The following DLGAP2 variants were observed in gnomAD, a reference collection of about 807,000 sequenced individuals.
DLGAP2 encodes the protein disks large-associated protein 2.
Under a neutral mutation model 100.3 loss-of-function variants are expected in DLGAP2, and 26 were observed. The ratio of observed to expected loss-of-function variants is 0.26; its 90% CI spans 0.19 to 0.36. DLGAP2 has a LOEUF of 0.36. Among genes scored for constraint, DLGAP2 ranks in the 10% least tolerant of loss-of-function variants. The pLI, the probability that DLGAP2 is intolerant of heterozygous loss-of-function variation, is 1.00. For missense variants in DLGAP2, 1,858 were observed against 1,453.2 expected, an observed-to-expected ratio of 1.28 and a Z score of -4.53; for synonymous variants, 886 against 630.1, an observed-to-expected ratio of 1.41 and a Z score of -6.08.
chr8:1,551,737 G>A (rs763288924), intron 5 of DLGAP2, among the ~76,000 whole-genome samples: 3 of 152,132 alleles, frequency 2.0e-5, no homozygotes, highest in Non-Finnish European at 4.4e-5. Context: ...AATCCCACAC[G>A]ACAGACAGAT....
chr8:793,264 G>A (rs1379020398), intron 1 of DLGAP2, among the ~76,000 whole-genome samples: 2 of 152,182 alleles, frequency 1.3e-5, no homozygotes, highest in East Asian at 3.8e-4. Flanking sequence ...ATTTTACGGA[G>A]CATTGGAATC....
chr8:766,506 T>C (rs73673014), intron 1 of DLGAP2, among the ~76,000 whole-genome samples: 4,264 of 152,290 alleles, frequency 0.028, 227 homozygotes, highest in African/African-American at 0.098. Flanking sequence ...TATTGTGATA[T>C]AGATGAATTA....
chr8:1,298,753 A>G (rs1800255315), intron 3 of DLGAP2, among the ~76,000 whole-genome samples: 1 of 152,222 alleles, frequency 6.6e-6, no homozygotes, highest in African/African-American at 2.4e-5. Context: ...AATCCCTTAT[A>G]AAAACTTTAA....
intron 2 of DLGAP2, among the ~76,000 whole-genome samples, chr8:1,212,375 AAG>A (rs1233425312): frequency 2.0e-5 from 3 of 152,210 alleles, no homozygotes; most frequent in African/African-American, 7.2e-5. Flanking sequence ...ATGGAGCATT[AAG>A]AGAACTCCAG....
intron 2 of DLGAP2, among the ~76,000 whole-genome samples, chr8:1,067,115 G>T (rs1367726100): frequency 6.6e-6 from 1 of 152,138 alleles, no homozygotes; most frequent in African/African-American, 2.4e-5. Flanking sequence ...CAGCCTCTCC[G>T]CACAGCCCCC....
intron 3 of DLGAP2, among the ~76,000 whole-genome samples, chr8:1,458,482 C>T (rs1798382220): frequency 6.6e-6 from 1 of 152,132 alleles, no homozygotes; most frequent in Non-Finnish European, 1.5e-5. Flanking sequence ...ATGCCATCTT[C>T]CTATGGTTCA....
chr8:989,207 A>C (rs1800578998), intron 2 of DLGAP2, among the ~76,000 whole-genome samples: 1 of 152,062 alleles, frequency 6.6e-6, no homozygotes, highest in South Asian at 2.1e-4. Context: ...CGCATGCCAC[A>C]TCAGGGCCCA....
chr8:1,107,189 T>G (rs1804802929), intron 2 of DLGAP2, among the ~76,000 whole-genome samples: 3 of 152,202 alleles, frequency 2.0e-5, no homozygotes, highest in African/African-American at 2.4e-5. Context: ...GGCTTTGCAG[T>G]GCACTGGTTC....
chr8:1,564,192 C>T (rs977390118), intron 5 of DLGAP2, among the ~76,000 whole-genome samples: 4 of 152,168 alleles, frequency 2.6e-5, no homozygotes, highest in Admixed American at 1.3e-4. Context: ...CCCAGAGCCT[C>T]TGGGGAGCTG....
At position 1,547,604 on chromosome 8, in the gene DLGAP2, GCAGGTCACCC is replaced by G. The variant is rs951426613; in HGVS notation, c.173-1018_173-1009del. On this transcript the variant is annotated intron_variant, in intron 4 of 14. Coordinates refer to ENST00000637795, the MANE Select transcript of DLGAP2 (RefSeq NM_001346810.2). ...TGGAGCTGGCAGATCCTCCTTCTCT[GCAGGTCACCC>G]CAGCGCCCAGCCGCCTTCCCAGGGA... Among the ~76,000 whole-genome samples, 29 of 152,282 alleles carry G rather than the reference GCAGGTCACCC, an allele frequency of 1.9e-4. 1 individual carries two copies. Among genetic ancestry groups the G allele is most frequent in the Admixed American group, 1.4e-3 (22 of 15,292 alleles).
chr8:877,285 C>T (rs901079239), intron 1 of DLGAP2, among the ~76,000 whole-genome samples: 3 of 152,168 alleles, frequency 2.0e-5, no homozygotes, highest in African/African-American at 4.8e-5. Context: ...GGTCCTTCCC[C>T]CACACCTGGG....
At chr8:1,198,884 G>A (rs1585144392) in intron 2 of DLGAP2, among the ~76,000 whole-genome samples, 1 of 152,252 alleles carries the variant, frequency 6.6e-6, no homozygotes, top group East Asian at 1.9e-4. Flanking sequence ...GCCTGCCTAT[G>A]CAGGTGCACA....
In DLGAP2 at chr8:1,525,191, C is replaced by CTTTTTTTTTTTTTTTTTTTTTTTTTTT. The variant is rs56358216; in HGVS notation, c.173-23413_173-23412insTTTTTTTTTTTTTTTTTTTTTTTTTTT. ...CGGTGTGTCTCTAGGACTCTGATGT[C>CTTTTTTTTTTTTTTTTTTTTTTTTTTT]TTTTTTTTTTTTTTTTTTTTTTGAT... is the stretch of plus-strand genomic sequence containing the variant. On this transcript the variant is annotated intron_variant, in intron 4 of 14. Transcript: ENST00000637795. Among the ~76,000 whole-genome samples, 2 of 103,680 alleles carry CTTTTTTTTTTTTTTTTTTTTTTTTTTT rather than the reference C, an allele frequency of 1.9e-5. 1 individual carries two copies. The highest frequency in any genetic ancestry group is 3.8e-5 in the Non-Finnish European group (2 of 52,860). 68.0% of individuals were successfully genotyped at this position (103,680 alleles called of 152,430 possible). A position where few individuals can be genotyped will look rare whatever the true frequency, so the allele number is the denominator to read the frequency against.
chr8:1,540,050 C>T (rs1801309179), intron 4 of DLGAP2, among the ~76,000 whole-genome samples: 1 of 152,194 alleles, frequency 6.6e-6, no homozygotes, highest in South Asian at 2.1e-4. Context: ...CTCTTGCCTG[C>T]TCTCCCTGTG....
intron 3 of DLGAP2, among the ~76,000 whole-genome samples, chr8:1,265,441 G>A (rs1357064681): frequency 6.6e-6 from 1 of 152,096 alleles, no homozygotes; most frequent in Non-Finnish European, 1.5e-5. Context: ...GGAAATAGAA[G>A]AATCAAGTTG....
chr8:1,191,203 A>G (rs12543271), intron 2 of DLGAP2, among the ~76,000 whole-genome samples: 32,469 of 144,036 alleles, frequency 0.23, 4,652 homozygotes, highest in Non-Finnish European at 0.33. Flanking sequence ...ACGGAATCTC[A>G]CTCTGTCACC....
chr8:843,235 GT>G lies in DLGAP2; in HGVS notation c.19-64676del, dbSNP rs563005516. On this transcript the variant is annotated intron_variant, in intron 1 of 14. Transcript: ENST00000637795. ...GAGCTCTCCCTTCTGTCGTTTTCAT[GT>G]GAAGTTAAGAAGGTGGCAGTTTGAC... Among the ~76,000 whole-genome samples, 513 of 152,318 alleles carry G rather than the reference GT, an allele frequency of 3.4e-3. 4 individuals are homozygous for G. Among genetic ancestry groups the G allele is most frequent in the African/African-American group, 0.012 (492 of 41,572 alleles).
At chr8:1,658,429 C>T (rs1468793650) in intron 8 of DLGAP2, among the ~76,000 whole-genome samples, 2 of 152,144 alleles carry the variant, frequency 1.3e-5, no homozygotes, top group African/African-American at 4.8e-5. Context: ...GATACATGTG[C>T]AGAACGTGCA....
intron 3 of DLGAP2, among the ~76,000 whole-genome samples, chr8:1,432,065 A>G (rs544067852): frequency 2.0e-3 from 306 of 151,758 alleles, no homozygotes; most frequent in African/African-American, 7.0e-3. Context: ...GCCGGCACCC[A>G]GCACCCCATG....
Sources: allele counts gnomAD v4.1 joint callset (sites outside exome capture counted in the v4.1 genomes callset), GRCh38; gene constraint gnomAD v4.1.1; transcripts MANE v1.5; gene names NCBI Gene and HGNC (gene_info 2026-07-23, HGNC 2026-07-21).